Variants in CDKN2A observed in about 807,000 individuals in gnomAD.
The protein encoded by CDKN2A is cyclin-dependent kinase inhibitor 2A.
CDKN2A carries 3 observed loss-of-function variants against 11.1 expected under a neutral mutation model. The observed-to-expected ratio is 0.27, with a 90% CI of 0.12 to 0.70. The LOEUF (loss-of-function observed/expected upper bound fraction) is 0.70. CDKN2A is among the 30% of genes least tolerant of loss of function. The pLI, the probability that CDKN2A is intolerant of heterozygous loss-of-function variation, is 0.77. For missense variants in CDKN2A, 265 were observed against 233.6 expected (o/e 1.13, Z -0.88); for synonymous variants, 122 against 108.1 (o/e 1.13, Z -0.80).
rs761014328 is a variant in CDKN2A at position 21,974,758 on chromosome 9, G to C, written c.70C>G (p.Arg24Gly). ...AGCAGCGCCCGCACCTCCTCTACCC[G>C]ACCCCGGGCCGCGGCCGTGGCCAGC... is the stretch of plus-strand genomic sequence containing the variant. ...DWLATAAARG[R>G]VEEVRALLEA... is the part of the protein sequence containing the mutation. Residue 24 changes from arginine (R) to glycine (G), a missense_variant, in exon 1 of 3, where the codon CGG becomes GGG. Coordinates refer to ENST00000304494, the MANE Select transcript of CDKN2A (RefSeq NM_000077.5). This position sits in a 1 kb window ranked among gnomAD's most constrained non-coding sequence, Gnocchi z 5.2. 1 of 1,609,640 alleles carries C rather than the reference G, an allele frequency of 6.2e-7. No homozygotes were observed. Among genetic ancestry groups the C allele is most frequent in the Non-Finnish European group, 8.5e-7 (1 of 1,179,380 alleles).
At position 21,974,820 on chromosome 9, in the gene CDKN2A, G is replaced by A. The variant is rs1819968085; in HGVS notation, c.8C>T (p.Pro3Leu). ME[P>L]AAGSSMEPSA... ...AGGCTCCATGCTGCTCCCCGCCGCC[G>A]GCTCCATGCTGCTCCCCGCCGCCCG... The change falls in exon 1 of 3, where the codon CCG becomes CTG. Residue 3 changes from proline (P) to leucine (L), a missense_variant. By Grantham distance (98) the Pro-to-Leu change is moderately conservative. Transcript: ENST00000304494. This position sits in a 1 kb window ranked among gnomAD's most constrained non-coding sequence, Gnocchi z 5.2. 2 of 1,598,044 alleles carry A rather than the reference G, an allele frequency of 1.3e-6. No individual in the cohort carries two copies. Among genetic ancestry groups the A allele is most frequent in the East Asian group, 2.2e-5 (1 of 44,602 alleles).
intron 2 of CDKN2A, among the ~76,000 whole-genome samples, chr9:21,990,611 T>TGAGAGAGATAGAGAGAGAGAGAGAGA (rs1820405727): frequency 1.1e-5 from 1 of 89,676 alleles, no homozygotes; most frequent in Non-Finnish European, 2.2e-5. Context: ...ACTAATTTGG[T>TGAGAGAGATAGAGAGAGAGAGAGAGA]GAGAGAGAGA....
At chr9:21,979,284 T>C (rs533370741), upstream of CDKN2A, among the ~76,000 whole-genome samples, 274 of 152,264 alleles carry the variant, frequency 1.8e-3, no homozygotes, top group African/African-American at 6.4e-3. Context: ...GATAATGGGA[T>C]GGCAAGGAAG....
chr9:21,980,989 C>CGT (rs1491483939), intron 2 of CDKN2A, among the ~76,000 whole-genome samples: 285 of 9,146 alleles, frequency 0.031, 87 homozygotes, highest in African/African-American at 0.12. Flanking sequence ...TATATATACA[C>CGT]GTATATATAT....
rs1470040006 is a variant in CDKN2A, at chr9:21,974,118, G to A, written c.150+560C>T. Among the ~76,000 whole-genome samples the A allele has an allele frequency of 1.3e-5, 2 of 152,156 alleles. No homozygotes were observed. The highest frequency in any genetic ancestry group is 2.9e-5 in the Non-Finnish European group (2 of 68,034). On this transcript the variant is annotated intron_variant, in intron 1 of 2. Coordinates refer to ENST00000304494, the MANE Select transcript of CDKN2A (RefSeq NM_000077.5). This position sits in a 1 kb window ranked among gnomAD's most constrained non-coding sequence, Gnocchi z 5.2. The stretch of plus-strand genomic sequence containing the variant: ...TTGGCCAGGCTGGTCTCGAACTCCC[G>A]ACCTCAGGTGATTCCCCCCGCCTTG...
upstream of CDKN2A, chr9:21,975,040 G>C (rs1819982057): frequency 1.5e-6 from 2 of 1,375,396 alleles, no homozygotes; most frequent in Non-Finnish European, 1.9e-6. Context: ...CTCGGAGGAG[G>C]TGCTATTAAC....
rs537948851 is a variant in CDKN2A at position 21,974,022 on chromosome 9, C to G, written c.150+656G>C. Among the ~76,000 whole-genome samples, 1 of 152,256 alleles carries G rather than the reference C, an allele frequency of 6.6e-6. No homozygotes were observed. Among genetic ancestry groups the G allele is most frequent in the East Asian group, 1.9e-4 (1 of 5,180 alleles). On this transcript the variant is annotated intron_variant, in intron 1 of 2. Coordinates refer to ENST00000304494, the MANE Select transcript of CDKN2A (RefSeq NM_000077.5). This position sits in a 1 kb window ranked among gnomAD's most constrained non-coding sequence, Gnocchi z 5.2. ...TCTCCTGCCTCAACCTCCCGAGTAG[C>G]TGGGATTACAGGCGCCTGCCACCAC...
upstream of CDKN2A, chr9:21,975,069 G>A (rs1819983367): frequency 7.5e-7 from 1 of 1,329,184 alleles, no homozygotes; most frequent in African/African-American, 1.5e-5. Flanking sequence ...CTTAGCGAAT[G>A]TGGCACCCCT....
chr9:21,992,307 A>G (rs763399143), intron 2 of CDKN2A: 19 of 853,478 alleles, frequency 2.2e-5, no homozygotes, highest in Non-Finnish European at 2.5e-5. Context: ...TGTGAAATAT[A>G]TAATTACATA....
At chr9:21,977,286 G>A (rs1820060099), upstream of CDKN2A, among the ~76,000 whole-genome samples, 1 of 152,216 alleles carries the variant, frequency 6.6e-6, no homozygotes, top group South Asian at 2.1e-4. Context: ...GAGGAAGAAA[G>A]TGGTTGCCAG....
intron 2 of CDKN2A, among the ~76,000 whole-genome samples, chr9:21,985,289 C>G (rs1030800650): frequency 7.2e-5 from 11 of 151,910 alleles, no homozygotes; most frequent in Admixed American, 2.0e-4. Flanking sequence ...AGAAAGCATA[C>G]TATTTAGTGT....
chr9:21,971,105 GCGTCGTGCACGGGT>G lies in CDKN2A; in HGVS notation c.240_253del (p.Pro81CysfsTer34), dbSNP rs730881675. The G allele has an allele frequency of 6.2e-7, 1 of 1,604,690 alleles. No homozygotes were observed. Among genetic ancestry groups the G allele is most frequent in the Non-Finnish European group, 8.5e-7 (1 of 1,179,586 alleles). On this transcript the variant is annotated frameshift_variant, in exon 2 of 3. Transcript: ENST00000304494. LOFTEE classifies it high-confidence loss of function. ...CGTGTCCAGGAAGCCCTCCCGGGCAGCGTCGTGCACGGGTCGGGTGAGAGTGGCGGGGTCGGCGC... is the reference window on the plus strand; with the variant it reads ...CGTGTCCAGGAAGCCCTCCCGGGCAGCGGGTGAGAGTGGCGGGGTCGGCGC...
chr9:21,970,675 T>C lies in CDKN2A; in HGVS notation c.457+227A>G, dbSNP rs113886003. 5.9e-3 allele frequency: 3,698 copies of C among 630,090 alleles called. 23 individuals carry two copies. Among genetic ancestry groups the C allele is most frequent in the East Asian group, 8.8e-3 (322 of 36,756 alleles). 39.0% of individuals were successfully genotyped at this position (630,090 alleles called of 1,614,324 possible). ...TGGTGGTATGCTTTGGGAAGTATAA[T>C]GTACAAAATGGGCTTTCACGTGCGC... is the stretch of plus-strand genomic sequence containing the variant. On this transcript the variant is annotated intron_variant, in intron 2 of 2. Coordinates refer to ENST00000304494, the MANE Select transcript of CDKN2A (RefSeq NM_000077.5).
Position 21,974,506 on chromosome 9 carries a change from C to G in CDKN2A, c.150+172G>C, listed in dbSNP as rs1381784640. 1.2e-6 allele frequency: 2 copies of G among 1,613,136 alleles called. No individual in the cohort carries two copies. The highest frequency in any genetic ancestry group is 1.1e-5 in the South Asian group (1 of 90,250). The stretch of plus-strand genomic sequence containing the variant: ...TCCTCTTCCTTGGCTTCCCAAGCCC[C>G]CAGGGCGTCGCCAGGAGGAGGTCTG... On this transcript the variant is annotated intron_variant, in intron 1 of 2. Coordinates refer to ENST00000304494, the MANE Select transcript of CDKN2A (RefSeq NM_000077.5). The surrounding 1 kb of genome is among the most constrained non-coding windows in gnomAD (Gnocchi z 5.2).
intron 2 of CDKN2A, among the ~76,000 whole-genome samples, chr9:21,987,165 T>TC (rs199802673): frequency 4.1e-4 from 62 of 151,424 alleles, no homozygotes; most frequent in South Asian, 8.4e-4. Context: ...CATCTATATT[T>TC]CCCCCCCCAT....
intron 2 of CDKN2A, among the ~76,000 whole-genome samples, chr9:21,987,069 T>G (rs1363495107): frequency 6.6e-6 from 1 of 152,080 alleles, no homozygotes. Flanking sequence ...TTAGACAAAT[T>G]TTAGCTTAAA....
At position 21,994,257 on chromosome 9, in the gene CDKN2A, A is replaced by G. The variant is rs1057522328; in HGVS notation, c.-175-204T>C. 2 of 1,606,274 alleles carry G rather than the reference A, an allele frequency of 1.2e-6. No homozygotes were observed. The highest frequency in any genetic ancestry group is 3.3e-5 in the Admixed American group (2 of 59,824). On this transcript the variant is annotated intron_variant, in intron 1 of 3. Coordinates refer to the CDKN2A transcript ENST00000494262. ...ACTCCCCCGTGAGCCGCGGGATGTG[A>G]ACCACGAAAACCCTCACTCGCGGCG... is the stretch of plus-strand genomic sequence containing the variant.
At chr9:21,984,377 C>T (rs1055174492) in intron 2 of CDKN2A, among the ~76,000 whole-genome samples, 3 of 152,000 alleles carry the variant, frequency 2.0e-5, no homozygotes, top group African/African-American at 7.2e-5. Context: ...TACCCACCTC[C>T]ACTGCTTGGA....
upstream of CDKN2A, among the ~76,000 whole-genome samples, chr9:21,977,649 AGCCATC>A (rs1303944353): frequency 6.6e-6 from 1 of 152,196 alleles, no homozygotes; most frequent in East Asian, 1.9e-4. Flanking sequence ...TACAGGCATG[AGCCATC>A]GTGCCCGGCC....
Sources: allele counts gnomAD v4.1 joint callset (sites outside exome capture counted in the v4.1 genomes callset), GRCh38; gene constraint gnomAD v4.1.1; non-coding constraint Gnocchi (gnomAD v3.1); transcripts MANE v1.5; gene names NCBI Gene and HGNC (gene_info 2026-07-23, HGNC 2026-07-21).